The following ST8SIA2 variants were observed in gnomAD, a reference collection of about 807,000 sequenced individuals.
ST8SIA2 encodes ST8 alpha-N-acetyl-neuraminide alpha-2,8-sialyltransferase 2, also known as alpha-2,8-sialyltransferase 8B.
A neutral mutation model predicts 37.6 loss-of-function variants in ST8SIA2; 22 were observed. The ratio of observed to expected loss-of-function variants is 0.58; its 90% CI spans 0.42 to 0.83. ST8SIA2 has a LOEUF of 0.83. Ranked by LOEUF, ST8SIA2 falls within the 40% of genes least tolerant of loss-of-function variation. ST8SIA2 has a pLI of 0.00. For synonymous variants in ST8SIA2, 205 were observed against 201.2 expected (o/e 1.02, Z -0.16); for missense variants, 382 against 484.7 (o/e 0.79, Z 1.99).
At chr15:92,456,318 A>C (rs6496943) in intron 5 of ST8SIA2, among the ~76,000 whole-genome samples, 11,324 of 150,546 alleles carry the variant, frequency 0.075, 603 homozygotes, top group African/African-American at 0.15. Context: ...GGGGTCATTT[A>C]TCTCTCCTGA....
At chr15:92,439,425 A>G (rs1328747555) in intron 4 of ST8SIA2, among the ~76,000 whole-genome samples, 1 of 152,164 alleles carries the variant, frequency 6.6e-6, no homozygotes, top group Non-Finnish European at 1.5e-5. Context: ...CACTACAGTC[A>G]TGGAAACAAG....
Position 92,420,619 on chromosome 15 carries a change from A to G in ST8SIA2, c.99-9430A>G, listed in dbSNP as rs189943926. 1.5e-3 allele frequency among the ~76,000 whole-genome samples: 226 copies of G among 152,322 alleles called. 2 individuals carry two copies. Among genetic ancestry groups the G allele is most frequent in the Admixed American group, 4.0e-3 (61 of 15,304 alleles). On this transcript the variant is annotated intron_variant, in intron 1 of 5. Transcript: ENST00000268164. Reference sequence around the variant, plus strand: ...TCGAAGCAAAAAGATAAATCCAATCAAGCTAATGTTTAAATTGAAGGCAGA... The same window carrying G: ...TCGAAGCAAAAAGATAAATCCAATCGAGCTAATGTTTAAATTGAAGGCAGA...
At chr15:92,461,573 T>G (rs529638179) in intron 5 of ST8SIA2, among the ~76,000 whole-genome samples, 1 of 152,182 alleles carries the variant, frequency 6.6e-6, no homozygotes, top group East Asian at 1.9e-4. Flanking sequence ...GGGCAAAAGC[T>G]CAAAGGAATC....
chr15:92,446,576 A>G (rs1451745703), intron 5 of ST8SIA2, among the ~76,000 whole-genome samples: 3 of 152,256 alleles, frequency 2.0e-5, no homozygotes, highest in Non-Finnish European at 4.4e-5. Context: ...TCTATACACT[A>G]AGACACAGTA....
chr15:92,446,449 A>G (rs1271150367), intron 5 of ST8SIA2, among the ~76,000 whole-genome samples: 3 of 152,206 alleles, frequency 2.0e-5, no homozygotes, highest in Admixed American at 6.5e-5. Context: ...AATCAAGGGG[A>G]GTAGACATAG....
In ST8SIA2 at chr15:92,444,853, A is replaced by C; in HGVS notation, c.766A>C (p.Asn256His). Residue 256 changes from asparagine to histidine, a missense_variant, in exon 5 of 6, where the codon AAC becomes CAC. Transcript: ENST00000268164. ...RGGKERVEWV[N>H]ELILKHHVNV... ...CGGCAAGGAGCGTGTTGAGTGGGTC[A>C]ACGAGCTTATCCTGAAGCACCACGT... 1 of 1,613,872 alleles carries C rather than the reference A, an allele frequency of 6.2e-7. No homozygotes were observed. The highest frequency in any genetic ancestry group is 8.5e-7 in the Non-Finnish European group (1 of 1,180,038).
At chr15:92,394,756 A>G (rs1377680475) in intron 1 of ST8SIA2, among the ~76,000 whole-genome samples, 2 of 152,106 alleles carry the variant, frequency 1.3e-5, no homozygotes, top group African/African-American at 4.8e-5. Flanking sequence ...CCACTAGAGA[A>G]GGGCTCGCAT....
rs776396954 is a variant in ST8SIA2 at position 92,438,470 on chromosome 15, C to T, written c.408C>T (p.Ser136=). The part of the protein sequence containing the change: ...IFDRDSTMNV[S]QNLYELLPRT... The stretch of plus-strand genomic sequence containing the variant: ...ATCGAGACAGCACCATGAATGTGTC[C>T]CAGAACCTCTACGAGCTCCTCCCCA... Residue 136 remains serine (S), a synonymous_variant, in exon 4 of 6, where the codon TCC becomes TCT. Transcript: ENST00000268164. The T allele has an allele frequency of 6.2e-7, 1 of 1,614,164 alleles. No individual in the cohort carries two copies. Among genetic ancestry groups the T allele is most frequent in the Admixed American group, 1.7e-5 (1 of 60,030 alleles).
Position 92,467,846 on chromosome 15 carries a change from A to T in ST8SIA2, c.*3461A>T, listed in dbSNP as rs1237274505. The T allele has an allele frequency of 3.9e-5, 6 of 152,562 alleles. No individual in the cohort carries two copies. Among genetic ancestry groups the T allele is most frequent in the African/African-American group, 1.5e-4 (6 of 41,338 alleles). The allele number at this position is 152,562 out of a possible 1,614,324, so 9.5% of individuals were successfully genotyped here. On this transcript the variant is annotated 3_prime_UTR_variant, in exon 6 of 6. Transcript: ENST00000268164. Reference sequence around the variant, plus strand: ...GCCCCTGCCCCAGCTCCTCTCTGCAACCCAGCCCTCTCCTGAGCTCTAGGC... The same window carrying T: ...GCCCCTGCCCCAGCTCCTCTCTGCATCCCAGCCCTCTCCTGAGCTCTAGGC...
intron 3 of ST8SIA2, among the ~76,000 whole-genome samples, chr15:92,435,761 G>A (rs889751261): frequency 6.6e-6 from 1 of 152,068 alleles, no homozygotes; most frequent in Non-Finnish European, 1.5e-5. Context: ...CCTCCTGGTG[G>A]CCCTCCATCC....
intron 3 of ST8SIA2, among the ~76,000 whole-genome samples, chr15:92,435,795 C>G (rs2049752751): frequency 6.6e-6 from 1 of 152,158 alleles, no homozygotes; most frequent in South Asian, 2.1e-4. Flanking sequence ...CTAACAACCG[C>G]CCCCTTTGAT....
At chr15:92,421,865 G>T (rs900425737) in intron 1 of ST8SIA2, among the ~76,000 whole-genome samples, 2 of 152,294 alleles carry the variant, frequency 1.3e-5, no homozygotes, top group East Asian at 1.9e-4. Context: ...ATGATGGCTG[G>T]AATAATAACT....
At chr15:92,401,153 G>A (rs2049467276) in intron 1 of ST8SIA2, among the ~76,000 whole-genome samples, 1 of 152,104 alleles carries the variant, frequency 6.6e-6, no homozygotes, top group Non-Finnish European at 1.5e-5. Context: ...CCGGGGGAGG[G>A]ACAGGAACAT....
At chr15:92,461,142 GC>G (rs1246393875) in intron 5 of ST8SIA2, among the ~76,000 whole-genome samples, 1 of 152,128 alleles carries the variant, frequency 6.6e-6, no homozygotes, top group African/African-American at 2.4e-5. Context: ...TCACAACGCA[GC>G]CTCCTAAAAA....
chr15:92,464,078 T>TTC (rs1178692498), intron 5 of ST8SIA2, 22 bp from the exon 6 acceptor site: 4 of 1,469,288 alleles, frequency 2.7e-6, no homozygotes, highest in Non-Finnish European at 3.6e-6. Context: ...TTTTCTTTTT[T>TTC]TTTTTTTTTT....
rs908533626 is a variant in ST8SIA2 at position 92,422,724 on chromosome 15, A to G, written c.99-7325A>G. Reference sequence around the variant, plus strand: ...AAGTACAGCCACCTCCTCAGGTGGAAAAGAAGATGGGTAGCACCTTTGGTT... The same window carrying G: ...AAGTACAGCCACCTCCTCAGGTGGAGAAGAAGATGGGTAGCACCTTTGGTT... On this transcript the variant is annotated intron_variant, in intron 1 of 5. Coordinates refer to ENST00000268164, the MANE Select transcript of ST8SIA2 (RefSeq NM_006011.4). The G allele has an allele frequency of 5.6e-4, 86 of 152,674 alleles. 3 individuals are homozygous for G. The highest frequency in any genetic ancestry group is 2.1e-4 in the South Asian group (1 of 4,834). 9.5% of individuals were successfully genotyped at this position (152,674 alleles called of 1,614,324 possible). A position where few individuals can be genotyped will look rare whatever the true frequency, so the allele number is the denominator to read the frequency against.
intron 1 of ST8SIA2, among the ~76,000 whole-genome samples, chr15:92,415,733 C>G (rs1035164708): frequency 3.9e-5 from 6 of 152,016 alleles, no homozygotes; most frequent in Admixed American, 6.6e-5. Context: ...TTAAAAAGGT[C>G]GAACATGCAA....
intron 5 of ST8SIA2, among the ~76,000 whole-genome samples, chr15:92,462,311 A>G (rs79883447): frequency 0.032 from 4,834 of 152,298 alleles, 277 homozygotes; most frequent in African/African-American, 0.11. Context: ...CTGAACTTAC[A>G]TAGGTTATTG....
Position 92,412,655 on chromosome 15 carries a change from TTTTG to T in ST8SIA2, c.99-17378_99-17375del, listed in dbSNP as rs557949613. ...ATTTGCCTCTGTGTTTTTGTTTTTGTTTTGTTTGTTTGTTTGTTTTGAGACAGGG... is the reference window on the plus strand; with the variant it reads ...ATTTGCCTCTGTGTTTTTGTTTTTGTTTTGTTTGTTTGTTTTGAGACAGGG... On this transcript the variant is annotated intron_variant, in intron 1 of 5. Transcript: ENST00000268164. 5.5e-3 allele frequency among the ~76,000 whole-genome samples: 835 copies of T among 152,170 alleles called. 6 individuals carry two copies. Among genetic ancestry groups the T allele is most frequent in the African/African-American group, 0.019 (783 of 41,526 alleles).
Sources: allele counts gnomAD v4.1 joint callset (sites outside exome capture counted in the v4.1 genomes callset), GRCh38; gene constraint gnomAD v4.1.1; transcripts MANE v1.5; gene names NCBI Gene and HGNC (gene_info 2026-07-23, HGNC 2026-07-21).